Variants in MAP1LC3B observed in about 807,000 individuals in gnomAD.
MAP1LC3B encodes microtubule associated protein 1 light chain 3 beta, also known as microtubule-associated protein 1 light chain 3 beta.
MAP1LC3B carries 12 observed loss-of-function variants against 16.7 expected under a neutral mutation model. The ratio of observed to expected loss-of-function variants is 0.72; its 90% CI spans 0.46 to 1.16. The LOEUF is 1.16. MAP1LC3B is among the 50% of genes most tolerant of loss of function. MAP1LC3B has a pLI of 0.00. For missense variants in MAP1LC3B, 155 were observed against 159.5 expected, an observed-to-expected ratio of 0.97 and a Z score of 0.15; for synonymous variants, 63 against 56.5, an observed-to-expected ratio of 1.11 and a Z score of -0.51.
rs753273870 is a variant in MAP1LC3B, at chr16:87,403,072, C to T, written c.353C>T (p.Thr118Met). ...TACATGGTCTATGCCTCCCAGGAGA[C>T]GTTCGGGATGAAATTGTCAGTGTAA... The part of the protein sequence containing the change: ...FLYMVYASQE[T>M]FGMKLSV The change falls in exon 4 of 4, where the codon ACG becomes ATG. Residue 118 changes from threonine to methionine, a missense_variant. By Grantham distance (81) the Thr-to-Met change is moderately conservative. Transcript: ENST00000268607. 27 of 1,611,670 alleles carry T rather than the reference C, an allele frequency of 1.7e-5. No homozygotes were observed. Among genetic ancestry groups the T allele is most frequent in the Admixed American group, 1.0e-4 (6 of 59,390 alleles).
rs1328618263 is a variant in MAP1LC3B at position 87,399,863 on chromosome 16, T to C, written c.96+993T>C. Among the ~76,000 whole-genome samples, 3 of 152,058 alleles carry C rather than the reference T, an allele frequency of 2.0e-5. No homozygotes were observed. In the East Asian group the frequency reaches 5.8e-4, roughly 30 times the overall value. The stretch of plus-strand genomic sequence containing the variant: ...ATCTCGGCTCACTGCAACCTCCGCC[T>C]CCCAGGTTCAAGTGATTCTCCTGCC... On this transcript the variant is annotated intron_variant, in intron 2 of 3. Transcript: ENST00000268607.
intron 1 of MAP1LC3B, among the ~76,000 whole-genome samples, chr16:87,397,144 A>G (rs1449216426): frequency 3.3e-5 from 5 of 152,112 alleles, no homozygotes; most frequent in African/African-American, 4.8e-5. Flanking sequence ...TATCATTTGC[A>G]TATATATTCA....
chr16:87,396,076 G>GTC (rs1907790939), intron 1 of MAP1LC3B, among the ~76,000 whole-genome samples: 1 of 151,294 alleles, frequency 6.6e-6, no homozygotes, highest in Non-Finnish European at 1.5e-5. Context: ...GGCCAGGATG[G>GTC]TCTCTAACTC....
intron 2 of MAP1LC3B, among the ~76,000 whole-genome samples, chr16:87,401,934 G>A (rs1462639193): frequency 5.9e-5 from 9 of 151,928 alleles, no homozygotes; most frequent in African/African-American, 1.7e-4. Context: ...CCGGGTTCAC[G>A]CCATTCTCCT....
rs1178327692 is a variant in MAP1LC3B at position 87,398,710 on chromosome 16, G to T, written c.41-105G>T. ...CTAGGAAAGATGTCTTCAGTGTTCT[G>T]CTGTGCCACAGCTAGCAGCTGAACT... On this transcript the variant is annotated intron_variant, in intron 1 of 3. Transcript: ENST00000268607. 4.2e-6 allele frequency: 4 copies of T among 948,978 alleles called. No homozygotes were observed. In the East Asian group the frequency reaches 7.2e-5, roughly 17 times the overall value. The allele number at this position is 948,978 out of a possible 1,614,324, so 58.8% of individuals were successfully genotyped here.
chr16:87,401,276 A>T (rs1907984801), intron 2 of MAP1LC3B, among the ~76,000 whole-genome samples: 1 of 152,032 alleles, frequency 6.6e-6, no homozygotes, highest in South Asian at 2.1e-4. Context: ...CTGACTAGGT[A>T]TGTATTTTTC....
intron 2 of MAP1LC3B, chr16:87,400,416 T>G (rs887335230): frequency 8.6e-5 from 13 of 152,028 alleles, no homozygotes; most frequent in African/African-American, 2.9e-4. Flanking sequence ...CCTGACCTCA[T>G]GATCTGCCTG....
At chr16:87,398,748 C>T in intron 1 of MAP1LC3B, 67 bp from the exon 2 acceptor site, 9 of 1,405,086 alleles carry the variant, frequency 6.4e-6, no homozygotes, top group South Asian at 1.2e-5. Context: ...GATGGAGAAC[C>T]AGCAGCAGTG....
At chr16:87,394,224 A>C (rs1907719836) in intron 1 of MAP1LC3B, among the ~76,000 whole-genome samples, 1 of 152,100 alleles carries the variant, frequency 6.6e-6, no homozygotes, top group African/African-American at 2.4e-5. Flanking sequence ...ACTTTGTAGA[A>C]ATGTGTCAAA....
chr16:87,399,514 A>G (rs1907913206), intron 2 of MAP1LC3B: 1 of 432,790 alleles, frequency 2.3e-6, no homozygotes, highest in Non-Finnish European at 4.6e-6. Flanking sequence ...CAATAGAACA[A>G]TGTACAAATA....
Position 87,404,054 on chromosome 16 carries a change from CTCAG to C in MAP1LC3B, c.*959_*962del, listed in dbSNP as rs1908089578. The C allele has an allele frequency of 6.6e-6, 1 of 152,124 alleles. No individual in the cohort carries two copies. The highest frequency in any genetic ancestry group is 6.5e-5 in the Admixed American group (1 of 15,274). The allele number at this position is 152,124 out of a possible 1,614,324, so 9.4% of individuals were successfully genotyped here. A position where few individuals can be genotyped will look rare whatever the true frequency, so the allele number is the denominator to read the frequency against. ...TGTTTTTTTAATGTTAAATGTGTAACTCAGTATTACTGAAAAGGTACCCACATTT... is the reference window on the plus strand; with the variant it reads ...TGTTTTTTTAATGTTAAATGTGTAACTATTACTGAAAAGGTACCCACATTT... On this transcript the variant is annotated 3_prime_UTR_variant, in exon 4 of 4. Coordinates refer to ENST00000268607, the MANE Select transcript of MAP1LC3B (RefSeq NM_022818.5).
chr16:87,397,874 A>G (rs1006429657), intron 1 of MAP1LC3B, among the ~76,000 whole-genome samples: 4 of 150,372 alleles, frequency 2.7e-5, no homozygotes, highest in African/African-American at 4.9e-5. Flanking sequence ...TTTTTTTAAC[A>G]CACATATTGC....
At position 87,404,048 on chromosome 16, in the gene MAP1LC3B, G is replaced by A. The variant is rs1452265582; in HGVS notation, c.*951G>A. ...CGTTTTTGTTTTTTTAATGTTAAAT[G>A]TGTAACTCAGTATTACTGAAAAGGT... On this transcript the variant is annotated 3_prime_UTR_variant, in exon 4 of 4. Coordinates refer to ENST00000268607, the MANE Select transcript of MAP1LC3B (RefSeq NM_022818.5). 1 of 152,152 alleles carries A rather than the reference G, an allele frequency of 6.6e-6. No individual in the cohort carries two copies. Among genetic ancestry groups the A allele is most frequent in the East Asian group, 1.9e-4 (1 of 5,196 alleles). The allele number at this position is 152,152 out of a possible 1,614,324, so 9.4% of individuals were successfully genotyped here.
chr16:87,392,344 A>G lies in MAP1LC3B; in HGVS notation c.-84A>G, dbSNP rs1175124399. Reference sequence around the variant, plus strand: ...GGGAAGTGGCTATCGCCAGAGTCGGATTCGCCGCCGCAGCAGCCGCCGCCC... The same window carrying G: ...GGGAAGTGGCTATCGCCAGAGTCGGGTTCGCCGCCGCAGCAGCCGCCGCCC... On this transcript the variant is annotated 5_prime_UTR_variant, in exon 1 of 4. Coordinates refer to ENST00000268607, the MANE Select transcript of MAP1LC3B (RefSeq NM_022818.5). 15 of 1,314,344 alleles carry G rather than the reference A, an allele frequency of 1.1e-5. No homozygotes were observed. Among genetic ancestry groups the G allele is most frequent in the Non-Finnish European group, 1.5e-5 (15 of 1,023,082 alleles). The allele number at this position is 1,314,344 out of a possible 1,614,324, so 81.4% of individuals were successfully genotyped here.
At chr16:87,402,457 CTT>C (rs960892243) in intron 3 of MAP1LC3B, 176 bp downstream of exon 3, 7 of 671,610 alleles carry the variant, frequency 1.0e-5, no homozygotes, top group Non-Finnish European at 1.7e-5. Context: ...TAAAATGTTT[CTT>C]TTTTTGAGGT....
rs532268500 is a variant in MAP1LC3B at position 87,392,367 on chromosome 16, C to G, written c.-61C>G. ...GGATTCGCCGCCGCAGCAGCCGCCG[C>G]CCCCGGGAGCCGCCGGGACCCTCGC... is the stretch of plus-strand genomic sequence containing the variant. On this transcript the variant is annotated 5_prime_UTR_variant, in exon 1 of 4. Coordinates refer to ENST00000268607, the MANE Select transcript of MAP1LC3B (RefSeq NM_022818.5). The G allele has an allele frequency of 4.4e-6, 6 of 1,364,352 alleles. No homozygotes were observed. The Admixed American group carries it at 1.2e-4, about 27-fold the overall frequency. 84.5% of individuals were successfully genotyped at this position (1,364,352 alleles called of 1,614,324 possible).
rs1908116195 is a variant in MAP1LC3B, at chr16:87,404,666, A to C, written c.*1569A>C. On this transcript the variant is annotated 3_prime_UTR_variant, in exon 4 of 4. Transcript: ENST00000268607. ...ATACTGCTTTTTAAGAAAAAAAATA[A>C]CATGCTGAGGGGTGACCTATATCCC... 1 of 152,236 alleles carries C rather than the reference A, an allele frequency of 6.6e-6. No individual in the cohort carries two copies. Among genetic ancestry groups the C allele is most frequent in the African/African-American group, 2.4e-5 (1 of 41,460 alleles). 9.4% of individuals were successfully genotyped at this position (152,236 alleles called of 1,614,324 possible). A position where few individuals can be genotyped will look rare whatever the true frequency, so the allele number is the denominator to read the frequency against.
At chr16:87,392,499 CG>C in intron 1 of MAP1LC3B, 32 bp downstream of exon 1, 1 of 1,297,262 alleles carries the variant, frequency 7.7e-7, no homozygotes, top group Admixed American at 4.3e-5. Context: ...GCGGGTGCGG[CG>C]GGGCCGGGGT....
chr16:87,404,350 A>AACTT lies in MAP1LC3B; in HGVS notation c.*1256_*1259dup, dbSNP rs1908101370. The stretch of plus-strand genomic sequence containing the variant: ...TTAGACCCTATGTGTAGCAGGTCAC[A>AACTT]ACTTACCCTTGTGTGTTTAGATGTG... On this transcript the variant is annotated 3_prime_UTR_variant, in exon 4 of 4. Transcript: ENST00000268607. The AACTT allele has an allele frequency of 6.6e-6, 1 of 152,184 alleles. No individual in the cohort carries two copies. Among genetic ancestry groups the AACTT allele is most frequent in the Non-Finnish European group, 1.5e-5 (1 of 68,040 alleles). 9.4% of individuals were successfully genotyped at this position (152,184 alleles called of 1,614,324 possible).
Sources: allele counts gnomAD v4.1 joint callset (sites outside exome capture counted in the v4.1 genomes callset), GRCh38; gene constraint gnomAD v4.1.1; transcripts MANE v1.5; gene names NCBI Gene and HGNC (gene_info 2026-07-23, HGNC 2026-07-21).